Variants in EVI5 observed in about 807,000 individuals in gnomAD.
EVI5 encodes ecotropic viral integration site 5.
In EVI5, 73 loss-of-function variants were observed where a neutral mutation model predicts 112.0. That is an observed-to-expected ratio of 0.65 (90% confidence interval 0.54 to 0.79). The LOEUF is 0.79. Ranked by LOEUF, EVI5 falls within the 30% of genes least tolerant of loss-of-function variation. The pLI is 0.00. For synonymous variants in EVI5, 305 were observed against 319.9 expected (o/e 0.95, Z 0.50); for missense variants, 900 against 968.8 (o/e 0.93, Z 0.94).
At chr1:92,723,905 TTGAGA>T (rs1237049286) in intron 2 of EVI5, among the ~76,000 whole-genome samples, 2 of 152,110 alleles carry the variant, frequency 1.3e-5, no homozygotes, top group Non-Finnish European at 2.9e-5. Context: ...TCTTACGCGG[TTGAGA>T]TAAGGACTGA....
At chr1:92,568,719 T>C (rs1669872930) in intron 18 of EVI5, among the ~76,000 whole-genome samples, 1 of 152,194 alleles carries the variant, frequency 6.6e-6, no homozygotes, top group South Asian at 2.1e-4. Flanking sequence ...CTCCTCCTCC[T>C]CAGCCTAATC....
intron 19 of EVI5, among the ~76,000 whole-genome samples, chr1:92,535,782 A>AT (rs1023328986): frequency 6.6e-6 from 1 of 152,148 alleles, no homozygotes; most frequent in African/African-American, 2.4e-5. Flanking sequence ...TAGGGGAGGG[A>AT]TAGCATTAGG....
chr1:92,589,404 G>C (rs1673367482), intron 18 of EVI5, among the ~76,000 whole-genome samples: 2 of 152,124 alleles, frequency 1.3e-5, no homozygotes, highest in South Asian at 2.1e-4. Context: ...GGAAAATCAA[G>C]TCACTCCCAC....
chr1:92,577,218 G>T lies in EVI5; in HGVS notation c.2071-13481C>A, dbSNP rs111257773. 5.8e-3 allele frequency among the ~76,000 whole-genome samples: 886 copies of T among 152,250 alleles called. 8 individuals are homozygous for T. The highest frequency in any genetic ancestry group is 0.019 in the African/African-American group (787 of 41,526). ...AAGGCTTCCCTTTTCACCCCATGAAGCTTCTCCTGTTCTGTCAGGCATAGG... is the reference window on the plus strand; with the variant it reads ...AAGGCTTCCCTTTTCACCCCATGAATCTTCTCCTGTTCTGTCAGGCATAGG... On this transcript the variant is annotated intron_variant, in intron 18 of 19. Transcript: ENST00000684568.
intron 18 of EVI5, among the ~76,000 whole-genome samples, chr1:92,586,262 T>TAA (rs1302878940): frequency 6.6e-6 from 1 of 152,192 alleles, no homozygotes; most frequent in African/African-American, 2.4e-5. Context: ...GGGAAGTTGC[T>TAA]AAGTGCAGCC....
intron 14 of EVI5, among the ~76,000 whole-genome samples, chr1:92,632,476 T>C (rs1176141821): frequency 9.2e-5 from 14 of 152,264 alleles, no homozygotes; most frequent in Non-Finnish European, 1.9e-4. Context: ...GAGATGTTTA[T>C]AGTATGCTCT....
At chr1:92,776,944 A>G (rs1042653632) in intron 1 of EVI5, among the ~76,000 whole-genome samples, 4 of 152,090 alleles carry the variant, frequency 2.6e-5, no homozygotes, top group African/African-American at 9.7e-5. Flanking sequence ...CTGGGACTAC[A>G]GACGCCCGCC....
intron 19 of EVI5, among the ~76,000 whole-genome samples, chr1:92,546,889 A>G (rs1665804975): frequency 6.6e-6 from 1 of 152,128 alleles, no homozygotes; most frequent in African/African-American, 2.4e-5. Context: ...ACTCCCACAC[A>G]ATAATAATGA....
chr1:92,745,334 T>C (rs1170445974), intron 1 of EVI5, among the ~76,000 whole-genome samples: 12 of 152,140 alleles, frequency 7.9e-5, no homozygotes. Context: ...TGTGTCATGT[T>C]TCTCTTCACT....
rs1650158511 is a variant in EVI5, at chr1:92,605,415, A to G, written c.1975-13T>C. The G allele has an allele frequency of 6.4e-7, 1 of 1,564,580 alleles. No homozygotes were observed. On this transcript the variant is annotated splice_polypyrimidine_tract_variant and intron_variant, in intron 17 of 19. Coordinates refer to ENST00000684568, the MANE Select transcript of EVI5 (RefSeq NM_001350197.2). ...CTTCTTCCTTATTCTAGTGTGGTAA[A>G]CCAAACCGAAACAAAATAAACCAGG...
chr1:92,554,576 T>C (rs754136794), intron 19 of EVI5, among the ~76,000 whole-genome samples: 10 of 152,182 alleles, frequency 6.6e-5, no homozygotes, highest in Non-Finnish European at 1.2e-4. Flanking sequence ...CACAATAATT[T>C]CTAAAATGGA....
chr1:92,597,614 C>A (rs144726211), intron 18 of EVI5, among the ~76,000 whole-genome samples: 2 of 152,122 alleles, frequency 1.3e-5, no homozygotes. Context: ...ATAGTGACAA[C>A]TGCATACATT....
Position 92,697,867 on chromosome 1 carries a change from A to G in EVI5, c.758T>C (p.Met253Thr), listed in dbSNP as rs1670555473. Residue 253 changes from methionine (M) to threonine (T), a missense_variant, in exon 6 of 20, where the codon ATG (methionine) becomes ACG (threonine). Physicochemically the swap from Met to Thr is moderately conservative, Grantham distance 81. Transcript: ENST00000684568. ...LGLCMYQFEC[M>T]IQEHLPELFV... ...TCAACACTGCACTTTTACCTGTATC[A>G]TACATTCAAACTGGTACATACAAAG... 6.2e-7 allele frequency: 1 copy of G among 1,612,476 alleles called. No homozygotes were observed. Among genetic ancestry groups the G allele is most frequent in the Non-Finnish European group, 8.5e-7 (1 of 1,179,052 alleles).
intron 19 of EVI5, among the ~76,000 whole-genome samples, chr1:92,554,477 T>G (rs561320776): frequency 6.6e-6 from 1 of 152,306 alleles, no homozygotes; most frequent in South Asian, 2.1e-4. Flanking sequence ...AGATAAATTT[T>G]AAGAACACTT....
chr1:92,643,371 A>C (rs1265108055), intron 13 of EVI5, among the ~76,000 whole-genome samples: 4 of 147,788 alleles, frequency 2.7e-5, no homozygotes, highest in African/African-American at 5.0e-5. Context: ...ATCATCAATG[A>C]TCACTCAAGT....
chr1:92,730,424 G>A (rs914848170), intron 2 of EVI5, among the ~76,000 whole-genome samples: 3 of 152,008 alleles, frequency 2.0e-5, no homozygotes, highest in Admixed American at 6.6e-5. Context: ...AGTGGTTCAC[G>A]CCTGTAATCC....
chr1:92,536,028 C>T (rs1323019593), intron 19 of EVI5, among the ~76,000 whole-genome samples: 1 of 152,098 alleles, frequency 6.6e-6, no homozygotes, highest in Non-Finnish European at 1.5e-5. Context: ...ATAACATATT[C>T]GTTCTTACCT....
intron 14 of EVI5, among the ~76,000 whole-genome samples, chr1:92,630,864 T>A (rs1350806425): frequency 1.3e-5 from 2 of 152,180 alleles, no homozygotes; most frequent in Non-Finnish European, 2.9e-5. Context: ...AAGGAAGGGA[T>A]CCAGTTTCAG....
chr1:92,522,621 A>C (rs1307807242), intron 19 of EVI5, among the ~76,000 whole-genome samples: 1 of 113,158 alleles, frequency 8.8e-6, no homozygotes, highest in African/African-American at 3.9e-5. Context: ...ACAGAGCAAG[A>C]CTCCATCTCC....
Sources: gnomAD v4.1 joint callset for allele counts (sites outside exome capture counted in the v4.1 genomes callset) on GRCh38, gnomAD v4.1.1 for gene constraint, MANE v1.5 for transcripts, NCBI Gene and HGNC (gene_info 2026-07-23, HGNC 2026-07-21) for gene names.